The following DRC9 variants were observed in gnomAD, a reference collection of about 807,000 sequenced individuals.
DRC9 encodes the protein dynein regulatory complex protein 9.
At chr3:197,922,477 G>A in the DRC9 span, among the ~76,000 whole-genome samples, 22 of 152,142 alleles carry the variant, frequency 1.4e-4, no homozygotes, top group South Asian at 4.2e-4. Context: ...AGGCCGAGGC[G>A]GGTGGATCAC....
the DRC9 span, chr3:197,950,775 C>A: frequency 1.5e-6 from 1 of 645,708 alleles, no homozygotes; most frequent in Non-Finnish European, 2.7e-6. Context: ...AATGTCTTGC[C>A]GGACCCTGCG....
the DRC9 span, chr3:197,889,558 GA>G: frequency 6.2e-7 from 1 of 1,614,044 alleles, no homozygotes; most frequent in Non-Finnish European, 8.5e-7. Flanking sequence ...AATACCAGCA[GA>G]AAACACAAAA....
At chr3:197,891,861 T>G in the DRC9 span, among the ~76,000 whole-genome samples, 1 of 152,210 alleles carries the variant, frequency 6.6e-6, no homozygotes, top group Non-Finnish European at 1.5e-5. Context: ...AGAATGTACA[T>G]ACACAAGTAG....
the DRC9 span, chr3:197,960,069 C>G: frequency 1.6e-6 from 1 of 643,908 alleles, no homozygotes; most frequent in African/African-American, 1.8e-5. Context: ...CCACGAGACG[C>G]GATGGACGTG....
the DRC9 span, among the ~76,000 whole-genome samples, chr3:197,899,579 A>G: frequency 1.7e-4 from 26 of 152,302 alleles, no homozygotes; most frequent in East Asian, 2.9e-3. Context: ...TTAAAAATCC[A>G]TGGTATTGAT....
At chr3:197,891,306 A>G in the DRC9 span, 4 of 536,664 alleles carry the variant, frequency 7.5e-6, no homozygotes, top group Non-Finnish European at 1.4e-5. Context: ...GGCAAATTCT[A>G]ATAATAACAA....
chr3:197,956,719 T>A, the DRC9 span: 40,509 of 150,266 alleles, frequency 0.27, 8,060 homozygotes, highest in African/African-American at 0.57. Context: ...AACCTCAACC[T>A]CCTCGGCTCA....
At chr3:197,892,517 T>G in the DRC9 span, 1 of 1,321,654 alleles carries the variant, frequency 7.6e-7, no homozygotes, top group Non-Finnish European at 1.0e-6. Context: ...AGCACCCTGA[T>G]TCCTTCCACT....
At chr3:197,944,109 C>T in the DRC9 span, 1 of 1,497,540 alleles carries the variant, frequency 6.7e-7, no homozygotes, top group Non-Finnish European at 9.1e-7. Context: ...ATTACTTTAA[C>T]TCAAAAGCAC....
the DRC9 span, chr3:197,944,162 A>C: frequency 1.1e-6 from 1 of 910,676 alleles, no homozygotes; most frequent in Non-Finnish European, 1.7e-6. Flanking sequence ...ACATCGTCGT[A>C]TAATAGAACC....
the DRC9 span, among the ~76,000 whole-genome samples, chr3:197,891,949 G>A: frequency 2.3e-4 from 35 of 152,318 alleles, no homozygotes; most frequent in African/African-American, 7.9e-4. Context: ...GAGTGCAGTG[G>A]CGCAGTGTTG....
At chr3:197,933,948 G>GT in the DRC9 span, among the ~76,000 whole-genome samples, 1 of 142,592 alleles carries the variant, frequency 7.0e-6, no homozygotes, top group African/African-American at 2.6e-5. Context: ...GTGGCTGGGA[G>GT]TACAGGCATG....
At chr3:197,920,278 C>G in the DRC9 span, among the ~76,000 whole-genome samples, 1 of 151,910 alleles carries the variant, frequency 6.6e-6, no homozygotes, top group Non-Finnish European at 1.5e-5. Context: ...CCGGCTGATA[C>G]TATACGAGTC....
chr3:197,893,494 T>C, the DRC9 span, among the ~76,000 whole-genome samples: 24 of 152,064 alleles, frequency 1.6e-4, no homozygotes, highest in African/African-American at 5.3e-4. Context: ...CTCTCTTTGA[T>C]TGACAGCACT....
At chr3:197,940,509 C>A in the DRC9 span, among the ~76,000 whole-genome samples, 4 of 151,994 alleles carry the variant, frequency 2.6e-5, no homozygotes, top group African/African-American at 4.8e-5. Flanking sequence ...AATTCTAATA[C>A]ATGAAAATGT....
chr3:197,897,287 CAATT>C, the DRC9 span, among the ~76,000 whole-genome samples: 1 of 152,040 alleles, frequency 6.6e-6, no homozygotes, highest in African/African-American at 2.4e-5. Flanking sequence ...GCAGGTTTGA[CAATT>C]AATATCTGGC....
At chr3:197,960,132 C>A in the DRC9 span, 1 of 1,106,630 alleles carries the variant, frequency 9.0e-7, no homozygotes, top group Non-Finnish European at 1.3e-6. Flanking sequence ...GCTGTCCAAT[C>A]GGAAAGCGCC....
chr3:197,951,665 T>G, the DRC9 span: 18 of 257,038 alleles, frequency 7.0e-5, no homozygotes, highest in Non-Finnish European at 7.7e-6. Flanking sequence ...ATTATCCTAT[T>G]GAAATAATAA....
At chr3:197,902,416 G>A in the DRC9 span, among the ~76,000 whole-genome samples, 50 of 152,172 alleles carry the variant, frequency 3.3e-4, no homozygotes, top group South Asian at 6.6e-3. Flanking sequence ...GATATGTGAC[G>A]TTTTAGACAG....
Sources: allele counts gnomAD v4.1 joint callset (sites outside exome capture counted in the v4.1 genomes callset), GRCh38; gene constraint gnomAD v4.1.1; transcripts MANE v1.5; gene names NCBI Gene and HGNC (gene_info 2026-07-23, HGNC 2026-07-21).